Variants in CCDC85C observed in about 807,000 individuals in gnomAD.
CCDC85C encodes coiled-coil domain containing 85C, also known as coiled-coil domain-containing protein 85C.
A neutral mutation model predicts 38.3 loss-of-function variants in CCDC85C; 18 were observed. That is an observed-to-expected ratio of 0.47 (90% CI 0.33 to 0.70). CCDC85C has a LOEUF of 0.70. Among genes scored for constraint, CCDC85C ranks in the 30% least tolerant of loss-of-function variants. The pLI is 0.03. For synonymous variants in CCDC85C, 264 were observed against 293.8 expected, an observed-to-expected ratio of 0.90 and a Z score of 1.04; for missense variants, 566 against 621.2, an observed-to-expected ratio of 0.91 and a Z score of 0.94.
intron 1 of CCDC85C, among the ~76,000 whole-genome samples, chr14:99,553,606 G>A (rs868703566): frequency 1.3e-5 from 2 of 152,090 alleles, no homozygotes; most frequent in Non-Finnish European, 2.9e-5. Flanking sequence ...CTCATGATCC[G>A]CCTGCCTCGG....
intron 1 of CCDC85C, among the ~76,000 whole-genome samples, chr14:99,547,467 C>T (rs191021690): frequency 2.6e-5 from 4 of 151,876 alleles, no homozygotes; most frequent in South Asian, 2.1e-4. Context: ...TGCAACTCTG[C>T]GACTATACTG....
rs1897876612 is a variant in CCDC85C at position 99,549,922 on chromosome 14, C to T, written c.794-13834G>A. Among the ~76,000 whole-genome samples the T allele has an allele frequency of 2.0e-5, 3 of 152,200 alleles. No individual in the cohort carries two copies. In the South Asian group the frequency reaches 6.2e-4, roughly 32 times the overall value. ...TGCTGAGCAATGCAAACAACACAAG[C>T]TGTGTGCCCGTGAGGGCTGCTGCGA... On this transcript the variant is annotated intron_variant, in intron 1 of 5. Coordinates refer to ENST00000380243, the MANE Select transcript of CCDC85C (RefSeq NM_001144995.2).
rs1292193047 is a variant in CCDC85C, at chr14:99,501,026, G to C, written c.*14220C>G. On this transcript the variant is annotated 3_prime_UTR_variant, in exon 6 of 6. Coordinates refer to ENST00000380243, the MANE Select transcript of CCDC85C (RefSeq NM_001144995.2). The stretch of plus-strand genomic sequence containing the variant: ...GCTCAGTCAATTCAGCATTGCAGCT[G>C]CTAATGCTGTTTCCTTTTATGTATA... 6 of 624,126 alleles carry C rather than the reference G, an allele frequency of 9.6e-6. No individual in the cohort carries two copies. The highest frequency in any genetic ancestry group is 3.2e-5 in the Admixed American group (1 of 31,654). 38.7% of individuals were successfully genotyped at this position (624,126 alleles called of 1,614,324 possible).
In CCDC85C at chr14:99,548,327, A is replaced by C. The variant is rs1897844455; in HGVS notation, c.794-12239T>G. Among the ~76,000 whole-genome samples the C allele has an allele frequency of 6.6e-6, 1 of 152,190 alleles. No homozygotes were observed. Among genetic ancestry groups the C allele is most frequent in the Admixed American group, 6.5e-5 (1 of 15,286 alleles). The stretch of plus-strand genomic sequence containing the variant: ...GAGACGCCCAACCGCAGGTGTCATC[A>C]AGGAAACCCAATTCCGACAATGAGA... On this transcript the variant is annotated intron_variant, in intron 1 of 5. Transcript: ENST00000380243. The surrounding 1 kb of genome is among the most constrained non-coding windows in gnomAD (Gnocchi z 4.9).
At chr14:99,562,246 C>T (rs1898131835) in intron 1 of CCDC85C, among the ~76,000 whole-genome samples, 1 of 152,154 alleles carries the variant, frequency 6.6e-6, no homozygotes, top group Non-Finnish European at 1.5e-5. Flanking sequence ...CTGGGGGTCC[C>T]CAGGTCCTGC....
intron 1 of CCDC85C, among the ~76,000 whole-genome samples, chr14:99,559,033 G>T (rs1271177081): frequency 6.6e-6 from 1 of 151,966 alleles, no homozygotes; most frequent in African/African-American, 2.4e-5. Flanking sequence ...AGACGCACCC[G>T]CCTCCCCTTC....
chr14:99,541,966 C>A (rs140148410), intron 1 of CCDC85C, among the ~76,000 whole-genome samples: 1 of 152,206 alleles, frequency 6.6e-6, no homozygotes. Context: ...CAAGGCCCTA[C>A]GGCATGGCTT....
intron 1 of CCDC85C, among the ~76,000 whole-genome samples, chr14:99,554,282 C>T (rs906673966): frequency 2.6e-5 from 4 of 151,896 alleles, no homozygotes; most frequent in African/African-American, 9.7e-5. Flanking sequence ...ACACAAGCCC[C>T]ACCACGGCAC....
chr14:99,537,167 C>T (rs1897619466), intron 1 of CCDC85C, among the ~76,000 whole-genome samples: 1 of 152,200 alleles, frequency 6.6e-6, no homozygotes, highest in Non-Finnish European at 1.5e-5. Flanking sequence ...CAGACCCCAT[C>T]CACCCTGACA....
At position 99,535,501 on chromosome 14, in the gene CCDC85C, A is replaced by C. The variant is rs1399908339; in HGVS notation, c.867+514T>G. On this transcript the variant is annotated intron_variant, in intron 2 of 5. Transcript: ENST00000380243. The surrounding 1 kb of genome is among the most constrained non-coding windows in gnomAD (Gnocchi z 5.5). ...GAGGCACAGCCCCTCACCCAACCCC[A>C]CCTCCCCCCTACAGCCAACCCCTCC... is the stretch of plus-strand genomic sequence containing the variant. 4.8e-5 allele frequency among the ~76,000 whole-genome samples: 7 copies of C among 147,184 alleles called. No individual in the cohort carries two copies. Among genetic ancestry groups the C allele is most frequent in the African/African-American group, 1.0e-4 (4 of 39,830 alleles).
intron 1 of CCDC85C, among the ~76,000 whole-genome samples, chr14:99,567,148 G>A (rs987671087): frequency 6.6e-6 from 1 of 151,764 alleles, no homozygotes; most frequent in East Asian, 1.9e-4. Context: ...GGTCCCTCCC[G>A]ATTCTCATCT....
intron 3 of CCDC85C, among the ~76,000 whole-genome samples, chr14:99,519,188 T>C (rs1897271259): frequency 8.2e-6 from 1 of 122,302 alleles, no homozygotes; most frequent in African/African-American, 3.1e-5. Flanking sequence ...CCATCTCAGC[T>C]CACTGCAGCC....
rs2139874187 is a variant in CCDC85C, at chr14:99,503,559, CTCA to C, written c.*11684_*11686del. ...TGGTACCTGGATAATCCATTTTTTT[CTCA>C]TCATACTCAGGATCCCAGTTAACAA... On this transcript the variant is annotated 3_prime_UTR_variant, in exon 6 of 6. Transcript: ENST00000380243. 1 of 1,443,478 alleles carries C rather than the reference CTCA, an allele frequency of 6.9e-7. No individual in the cohort carries two copies. Among genetic ancestry groups the C allele is most frequent in the East Asian group, 2.5e-5 (1 of 40,572 alleles). The allele number at this position is 1,443,478 out of a possible 1,614,324, so 89.4% of individuals were successfully genotyped here.
At chr14:99,571,621 C>A (rs1193960734) in intron 1 of CCDC85C, among the ~76,000 whole-genome samples, 1 of 152,224 alleles carries the variant, frequency 6.6e-6, no homozygotes, top group Non-Finnish European at 1.5e-5. Flanking sequence ...GTTAAATGTG[C>A]TTTGTAGAAT....
chr14:99,582,738 C>G (rs1385863647), intron 1 of CCDC85C, among the ~76,000 whole-genome samples: 1 of 152,128 alleles, frequency 6.6e-6, no homozygotes, highest in East Asian at 1.9e-4. Flanking sequence ...CACTTGAAAC[C>G]AGGGGGCGGA....
chr14:99,583,952 G>A (rs945869453), intron 1 of CCDC85C, among the ~76,000 whole-genome samples: 3 of 152,100 alleles, frequency 2.0e-5, no homozygotes, highest in Non-Finnish European at 2.9e-5. Context: ...GTGCTGTGTC[G>A]CTGTCATGGT....
intron 1 of CCDC85C, among the ~76,000 whole-genome samples, chr14:99,570,900 G>C (rs1162889320): frequency 1.3e-5 from 2 of 152,078 alleles, no homozygotes; most frequent in Non-Finnish European, 2.9e-5. Flanking sequence ...GAAATGGAAA[G>C]GGGCCTCCTT....
chr14:99,575,397 G>A (rs1329825775), intron 1 of CCDC85C, among the ~76,000 whole-genome samples: 1 of 152,198 alleles, frequency 6.6e-6, no homozygotes, highest in Non-Finnish European at 1.5e-5. Flanking sequence ...CCAGCGCCCA[G>A]CAATCACTCA....
chr14:99,574,256 G>A (rs1242610458), intron 1 of CCDC85C, among the ~76,000 whole-genome samples: 4 of 151,944 alleles, frequency 2.6e-5, no homozygotes, highest in Admixed American at 2.6e-4. Flanking sequence ...CTCCCACCAG[G>A]GAAGCTCAAC....
Sources: allele counts gnomAD v4.1 joint callset (sites outside exome capture counted in the v4.1 genomes callset), GRCh38; gene constraint gnomAD v4.1.1; non-coding constraint Gnocchi (gnomAD v3.1); transcripts MANE v1.5; gene names NCBI Gene and HGNC (gene_info 2026-07-23, HGNC 2026-07-21).